Variants in CACNA1A observed in about 807,000 individuals in gnomAD.
The protein encoded by CACNA1A is voltage-dependent P/Q-type calcium channel subunit alpha-1A.
In CACNA1A, 57 loss-of-function variants were observed where a neutral mutation model predicts 262.4. The ratio of observed to expected loss-of-function variants is 0.22; its 90% CI spans 0.18 to 0.27. The LOEUF (loss-of-function observed/expected upper bound fraction) is 0.27. Ranked by LOEUF, CACNA1A falls within the 10% of genes least tolerant of loss-of-function variation. The pLI is 1.00. For missense variants in CACNA1A, 2,526 were observed against 3,562.8 expected (o/e 0.71, Z 7.41); for synonymous variants, 1,431 against 1,419.3 (o/e 1.01, Z -0.18).
chr19:13,331,489 G>A (rs2058468046), intron 9 of CACNA1A, among the ~76,000 whole-genome samples: 2 of 151,972 alleles, frequency 1.3e-5, no homozygotes, highest in African/African-American at 4.8e-5. Flanking sequence ...CACCCGCCTT[G>A]GCCTCCCAAA....
intron 31 of CACNA1A, among the ~76,000 whole-genome samples, chr19:13,240,968 G>C (rs2056065977): frequency 6.6e-6 from 1 of 152,252 alleles, no homozygotes; most frequent in Non-Finnish European, 1.5e-5. Flanking sequence ...CCGGCACACT[G>C]CCTGGCCTTC....
chr19:13,492,682 G>A (rs1981034607), intron 1 of CACNA1A, among the ~76,000 whole-genome samples: 2 of 152,102 alleles, frequency 1.3e-5, no homozygotes, highest in African/African-American at 4.8e-5. Context: ...AAAAGTTTAG[G>A]TATATCGGGG....
intron 3 of CACNA1A, among the ~76,000 whole-genome samples, chr19:13,382,711 G>C (rs2059544531): frequency 6.6e-6 from 1 of 152,310 alleles, no homozygotes; most frequent in South Asian, 2.1e-4. Flanking sequence ...GAAGTTAGGA[G>C]GGAGCCGCAA....
intron 3 of CACNA1A, among the ~76,000 whole-genome samples, chr19:13,421,307 C>T (rs1310273658): frequency 6.6e-6 from 1 of 151,850 alleles, no homozygotes; most frequent in East Asian, 1.9e-4. Context: ...TGGCAGCATA[C>T]CTTTGCTACA....
At position 13,207,912 on chromosome 19, in the gene CACNA1A, C is replaced by T. The variant is rs758924907; in HGVS notation, c.6922G>A (p.Gly2308Ser). The T allele has an allele frequency of 9.2e-5, 134 of 1,464,278 alleles. No homozygotes were observed. The highest frequency in any genetic ancestry group is 9.0e-4 in the Middle Eastern group (4 of 4,420). 90.7% of individuals were successfully genotyped at this position (1,464,278 alleles called of 1,614,324 possible). ...TGCTGCTGCTGCGGGGGCCCCGAGCCGCCGGCCTTACGGATCACAGGGGAA... is the reference window on the plus strand; with the variant it reads ...TGCTGCTGCTGCGGGGGCCCCGAGCTGCCGGCCTTACGGATCACAGGGGAA... ...SYSPVIRKAGGSGPPQQQQQQ... is the reference protein window; with the variant it reads ...SYSPVIRKAGSSGPPQQQQQQ... The change falls in exon 47 of 47, where the codon GGC becomes AGC. Residue 2308 changes from glycine to serine, a missense_variant. By Grantham distance (56) the Gly-to-Ser change is moderately conservative (BLOSUM62 0). Coordinates refer to ENST00000360228, the MANE Select transcript of CACNA1A (RefSeq NM_001127222.2). This position sits in a 1 kb window ranked among gnomAD's most constrained non-coding sequence, Gnocchi z 5.7.
intron 3 of CACNA1A, chr19:13,451,495 G>A (rs2144929212): frequency 6.6e-6 from 1 of 152,324 alleles, no homozygotes; most frequent in Middle Eastern, 3.4e-3. Context: ...TGTCCCTACT[G>A]GAATCTAATA....
At chr19:13,247,182 G>A (rs146068177) in intron 30 of CACNA1A, among the ~76,000 whole-genome samples, 44 of 152,320 alleles carry the variant, frequency 2.9e-4, no homozygotes, top group East Asian at 7.7e-4. Context: ...GGGTTGGGGC[G>A]GTCAGTGTGA....
chr19:13,325,598 C>T (rs912301892), intron 10 of CACNA1A, among the ~76,000 whole-genome samples: 1 of 152,170 alleles, frequency 6.6e-6, no homozygotes, highest in South Asian at 2.1e-4. Context: ...CCATGCCCAG[C>T]CGATTTTTGT....
At chr19:13,404,965 C>T (rs187416321) in intron 3 of CACNA1A, among the ~76,000 whole-genome samples, 30 of 151,760 alleles carry the variant, frequency 2.0e-4, no homozygotes, top group Non-Finnish European at 2.2e-4. Flanking sequence ...GGTGTGATCT[C>T]GGCTCACTGC....
chr19:13,359,013 C>T (rs1354249985), intron 6 of CACNA1A, among the ~76,000 whole-genome samples: 1 of 152,190 alleles, frequency 6.6e-6, no homozygotes, highest in Non-Finnish European at 1.5e-5. Context: ...TGTTAACAGC[C>T]ACCCCTCGGA....
chr19:13,341,752 C>A (rs2058680177), intron 6 of CACNA1A, among the ~76,000 whole-genome samples: 1 of 152,112 alleles, frequency 6.6e-6, no homozygotes, highest in Admixed American at 6.6e-5. Flanking sequence ...ATTTCTGGTC[C>A]CCATTGTTTC....
intron 22 of CACNA1A, among the ~76,000 whole-genome samples, chr19:13,282,119 C>T (rs574581277): frequency 1.1e-4 from 16 of 152,338 alleles, no homozygotes; most frequent in African/African-American, 2.2e-4. Context: ...CCAGGAGCTG[C>T]GTTCTAATTA....
In CACNA1A at chr19:13,351,057, A is replaced by G. The variant is rs77258043; in HGVS notation, c.978+8549T>C. On this transcript the variant is annotated intron_variant, in intron 6 of 46. Coordinates refer to ENST00000360228, the MANE Select transcript of CACNA1A (RefSeq NM_001127222.2). The stretch of plus-strand genomic sequence containing the variant: ...ATATAGGCATAAAATCAAGGGTTAC[A>G]TAATATCCACATCCCTGGGGGATAC... Among the ~76,000 whole-genome samples, 612 of 152,314 alleles carry G rather than the reference A, an allele frequency of 4.0e-3. 3 individuals carry two copies. The highest frequency in any genetic ancestry group is 0.014 in the African/African-American group (576 of 41,570).
intron 31 of CACNA1A, among the ~76,000 whole-genome samples, chr19:13,238,411 C>T (rs1218141676): frequency 6.6e-6 from 1 of 152,108 alleles, no homozygotes; most frequent in Non-Finnish European, 1.5e-5. Flanking sequence ...AGACCACCCA[C>T]CTAAGGGCTC....
chr19:13,377,567 T>C (rs1199637882), intron 3 of CACNA1A, among the ~76,000 whole-genome samples: 6 of 151,682 alleles, frequency 4.0e-5, no homozygotes, highest in African/African-American at 1.5e-4. Context: ...TTCACCATAT[T>C]GACCAGGCTG....
intron 6 of CACNA1A, among the ~76,000 whole-genome samples, chr19:13,354,041 G>A (rs1220508385): frequency 6.6e-6 from 1 of 152,188 alleles, no homozygotes; most frequent in Admixed American, 6.5e-5. Flanking sequence ...ATTTTAGTCT[G>A]TCTTCTTCGT....
At chr19:13,410,546 T>TC (rs998604206) in intron 3 of CACNA1A, among the ~76,000 whole-genome samples, 17 of 99,412 alleles carry the variant, frequency 1.7e-4, no homozygotes, top group African/African-American at 1.2e-3. Flanking sequence ...TTTTCTTTTT[T>TC]TTTTTTTTTT....
chr19:13,286,735 C>G lies in CACNA1A; in HGVS notation c.3321G>C (p.Leu1107=), dbSNP rs2057409203. ...MGNSTDPGPM[L]AIPAMATNPQ... ...GGTTGGTGGCCATGGCAGGGATGGC[C>G]AGCATGGGGCCGGGGTCGGTGCTGT... Residue 1107 remains leucine (L), a synonymous_variant, in exon 20 of 47, where the codon CTG becomes CTC. Transcript: ENST00000360228. 6.2e-7 allele frequency: 1 copy of G among 1,600,546 alleles called. No homozygotes were observed. The highest frequency in any genetic ancestry group is 8.5e-7 in the Non-Finnish European group (1 of 1,172,694).
intron 3 of CACNA1A, among the ~76,000 whole-genome samples, chr19:13,390,397 C>T (rs760309417): frequency 5.9e-5 from 9 of 152,174 alleles, no homozygotes; most frequent in Non-Finnish European, 2.9e-5. Context: ...CAGGTGTGAG[C>T]CACTGCACCC....
Sources: allele counts gnomAD v4.1 joint callset (sites outside exome capture counted in the v4.1 genomes callset), GRCh38; gene constraint gnomAD v4.1.1; non-coding constraint Gnocchi (gnomAD v3.1); transcripts MANE v1.5; gene names NCBI Gene and HGNC (gene_info 2026-07-23, HGNC 2026-07-21).